The following PDE4D variants were observed in gnomAD, a reference collection of about 807,000 sequenced individuals.
The protein encoded by PDE4D is phosphodiesterase 4D, also known as 3',5'-cyclic-AMP phosphodiesterase 4D.
PDE4D carries 24 observed loss-of-function variants against 87.4 expected under a neutral mutation model. The ratio of observed to expected loss-of-function variants is 0.27; its 90% CI spans 0.20 to 0.39. PDE4D has a LOEUF of 0.39. PDE4D is among the 10% of genes least tolerant of loss of function. The probability of loss-of-function intolerance (pLI) is 1.00; values close to 1 mark genes in which losing one functional copy is unlikely to be tolerated. For missense variants in PDE4D, 714 were observed against 1,041.0 expected, an observed-to-expected ratio of 0.69 and a Z score of 4.32; for synonymous variants, 384 against 383.2, an observed-to-expected ratio of 1.00 and a Z score of -0.02.
At chr5:59,665,594 G>C (rs775136344) in intron 1 of PDE4D, among the ~76,000 whole-genome samples, 10 of 152,140 alleles carry the variant, frequency 6.6e-5, no homozygotes, top group Admixed American at 4.6e-4. Flanking sequence ...AATTATTGCA[G>C]CATAACTTAG....
At chr5:59,157,967 A>G (rs2153463436) in intron 5 of PDE4D, among the ~76,000 whole-genome samples, 1 of 152,318 alleles carries the variant, frequency 6.6e-6, no homozygotes, top group Middle Eastern at 3.4e-3. Context: ...TGAGAGAAGG[A>G]AAGGGTATTG....
intron 1 of PDE4D, among the ~76,000 whole-genome samples, chr5:59,235,826 A>G (rs28054): frequency 0.3 from 45,433 of 151,994 alleles, 7,359 homozygotes; most frequent in Non-Finnish European, 0.36. Context: ...TAATCATCCT[A>G]ACAATATTGT....
chr5:58,993,715 C>G (rs1232853260), intron 6 of PDE4D, among the ~76,000 whole-genome samples: 1 of 152,104 alleles, frequency 6.6e-6, no homozygotes, highest in Admixed American at 6.6e-5. Context: ...AATGAGAAAC[C>G]AAATTTTGAA....
intron 1 of PDE4D, among the ~76,000 whole-genome samples, chr5:60,378,613 G>T (rs1761610280): frequency 6.6e-6 from 1 of 152,086 alleles, no homozygotes; most frequent in Non-Finnish European, 1.5e-5. Context: ...CAGCACTTTG[G>T]GAGGCCAAGG....
chr5:59,329,303 T>C (rs913245208), intron 1 of PDE4D, among the ~76,000 whole-genome samples: 1 of 152,166 alleles, frequency 6.6e-6, no homozygotes, highest in African/African-American at 2.4e-5. Context: ...CAGGGAAATA[T>C]AGAACAGATG....
intron 11 of PDE4D, among the ~76,000 whole-genome samples, chr5:58,981,954 C>T (rs1580074082): frequency 6.6e-6 from 1 of 152,144 alleles, no homozygotes; most frequent in African/African-American, 2.4e-5. Flanking sequence ...TCACCCCAGT[C>T]AACACTGTAA....
intron 1 of PDE4D, among the ~76,000 whole-genome samples, chr5:60,341,699 C>CCTT (rs1758333033): frequency 6.6e-6 from 1 of 152,160 alleles, no homozygotes; most frequent in Non-Finnish European, 1.5e-5. Flanking sequence ...CACTGTGTTG[C>CCTT]TATTACCCTG....
chr5:59,287,625 G>C (rs1480492792), intron 1 of PDE4D, among the ~76,000 whole-genome samples: 1 of 151,812 alleles, frequency 6.6e-6, no homozygotes, highest in Non-Finnish European at 1.5e-5. Flanking sequence ...GTGCTATGCT[G>C]GCTTCAGGTC....
At chr5:60,243,674 AT>A (rs1327323266) in intron 1 of PDE4D, among the ~76,000 whole-genome samples, 4 of 152,020 alleles carry the variant, frequency 2.6e-5, no homozygotes, top group African/African-American at 9.7e-5. Context: ...AACTCAATCA[AT>A]GTGATAGATC....
chr5:59,319,333 G>A (rs1055599653), intron 1 of PDE4D, among the ~76,000 whole-genome samples: 1 of 152,042 alleles, frequency 6.6e-6, no homozygotes, highest in Non-Finnish European at 1.5e-5. Flanking sequence ...CAGAAAAAAA[G>A]TCTACTCTCC....
rs1433014761 is a variant in PDE4D, at chr5:59,189,260, T to TTG, written c.685-3999_685-3998insCA. Among the ~76,000 whole-genome samples, 61 of 144,344 alleles carry TTG rather than the reference T, an allele frequency of 4.2e-4. 1 individual carries two copies. Among genetic ancestry groups the TTG allele is most frequent in the Non-Finnish European group, 6.4e-4 (42 of 65,912 alleles). The allele number at this position is 144,344 out of a possible 152,430, so 94.7% of individuals were successfully genotyped here. A position where few individuals can be genotyped will look rare whatever the true frequency, so the allele number is the denominator to read the frequency against. On this transcript the variant is annotated intron_variant, in intron 3 of 14. Transcript: ENST00000340635. ...TTTTTTTTTGTTTTTTTTGTTTTTT[T>TTG]TTTTTTGAGACGGAGTTTTGCTCTT...
chr5:60,009,797 CT>C (rs1357292429), intron 2 of PDE4D, among the ~76,000 whole-genome samples: 1 of 152,036 alleles, frequency 6.6e-6, no homozygotes, highest in Non-Finnish European at 1.5e-5. Context: ...ACAAGTAAAA[CT>C]GTTTAAGCTG....
chr5:59,767,443 A>G (rs1249855201), intron 1 of PDE4D, among the ~76,000 whole-genome samples: 5 of 151,854 alleles, frequency 3.3e-5, no homozygotes, highest in Non-Finnish European at 7.4e-5. Flanking sequence ...ATAAGCTCAC[A>G]TGATGGTCTG....
intron 3 of PDE4D, among the ~76,000 whole-genome samples, chr5:59,927,141 G>A (rs2152784120): frequency 6.6e-6 from 1 of 152,286 alleles, no homozygotes; most frequent in Non-Finnish European, 1.5e-5. Flanking sequence ...TGTTTGAGCT[G>A]CAGTTTCTCT....
intron 2 of PDE4D, among the ~76,000 whole-genome samples, chr5:60,034,730 C>T (rs943603621): frequency 1.3e-5 from 2 of 152,188 alleles, no homozygotes; most frequent in African/African-American, 4.8e-5. Context: ...ATCATTTCCG[C>T]ATGTTATTCG....
chr5:60,167,781 T>C (rs1783063270), intron 2 of PDE4D, among the ~76,000 whole-genome samples: 1 of 152,218 alleles, frequency 6.6e-6, no homozygotes, highest in Admixed American at 6.5e-5. Flanking sequence ...ACAGTTATTT[T>C]GAATTCTCTG....
chr5:59,374,789 A>G (rs963943982), intron 1 of PDE4D, among the ~76,000 whole-genome samples: 7 of 152,324 alleles, frequency 4.6e-5, no homozygotes, highest in African/African-American at 1.7e-4. Context: ...AACACTACTC[A>G]GCAAATGCAA....
At chr5:60,220,016 T>A (rs1862614) in intron 1 of PDE4D, among the ~76,000 whole-genome samples, 80,600 of 152,028 alleles carry the variant, frequency 0.53, 22,087 homozygotes, top group African/African-American at 0.65. Context: ...ACTAGTATAG[T>A]TCACATGTCA....
intron 1 of PDE4D, among the ~76,000 whole-genome samples, chr5:60,242,345 TAAAG>T (rs1747225172): frequency 6.6e-6 from 1 of 152,002 alleles, no homozygotes; most frequent in African/African-American, 2.4e-5. Flanking sequence ...TTATTAGAGA[TAAAG>T]AAACAGACCT....
Sources: gnomAD v4.1 joint callset for allele counts (sites outside exome capture counted in the v4.1 genomes callset) on GRCh38, gnomAD v4.1.1 for gene constraint, MANE v1.5 for transcripts, NCBI Gene and HGNC (gene_info 2026-07-23, HGNC 2026-07-21) for gene names.